The following WDR72 variants were observed in gnomAD, a reference collection of about 807,000 sequenced individuals.
WDR72 encodes WD repeat-containing protein 72.
Under a neutral mutation model 124.2 loss-of-function variants are expected in WDR72, and 120 were observed. That is an observed-to-expected ratio of 0.97 (90% CI 0.83 to 1.12). WDR72 has a LOEUF of 1.12. WDR72 is among the 50% of genes most tolerant of loss of function. The pLI, the probability that WDR72 is intolerant of heterozygous loss-of-function variation, is 0.00. For missense variants in WDR72, 1,387 were observed against 1,278.8 expected (o/e 1.08, Z -1.29); for synonymous variants, 452 against 441.7 (o/e 1.02, Z -0.29).
At chr15:53,729,378 C>G (rs1254929642) in intron 2 of WDR72, among the ~76,000 whole-genome samples, 1 of 151,952 alleles carries the variant, frequency 6.6e-6, no homozygotes, top group Non-Finnish European at 1.5e-5. Context: ...CTTCTAAAAC[C>G]CAAATACAAT....
At chr15:53,756,318 T>C (rs1300252089) in intron 1 of WDR72, among the ~76,000 whole-genome samples, 3 of 152,162 alleles carry the variant, frequency 2.0e-5, no homozygotes. Context: ...CCGCCAGGAT[T>C]GTAAGTTTCC....
intron 14 of WDR72, among the ~76,000 whole-genome samples, chr15:53,622,491 C>G (rs564223734): frequency 1.3e-5 from 2 of 152,104 alleles, no homozygotes; most frequent in Non-Finnish European, 2.9e-5. Context: ...ATGGATGGAG[C>G]TGCAAGCCAT....
chr15:53,666,913 C>T (rs1353340850), intron 13 of WDR72, among the ~76,000 whole-genome samples: 2 of 152,178 alleles, frequency 1.3e-5, no homozygotes, highest in Non-Finnish European at 2.9e-5. Context: ...GTAACAGTTA[C>T]TGTGCTCAAA....
At chr15:53,544,919 CA>C (rs1893365878) in intron 18 of WDR72, among the ~76,000 whole-genome samples, 1 of 149,460 alleles carries the variant, frequency 6.7e-6, no homozygotes, top group Non-Finnish European at 1.5e-5. Context: ...ACAATTGCTT[CA>C]AAGAGAATAA....
chr15:53,547,494 G>A (rs1033875246), intron 18 of WDR72, among the ~76,000 whole-genome samples: 1 of 152,098 alleles, frequency 6.6e-6, no homozygotes, highest in Non-Finnish European at 1.5e-5. Flanking sequence ...CAGAGCATGT[G>A]GGAGGTGCTG....
intron 1 of WDR72, among the ~76,000 whole-genome samples, chr15:53,735,465 G>T (rs2018326738): frequency 6.6e-6 from 1 of 151,996 alleles, no homozygotes; most frequent in South Asian, 2.1e-4. Context: ...TTTTGAAGGT[G>T]GTAGATAAGT....
chr15:53,687,185 A>G (rs1235678849), intron 13 of WDR72, among the ~76,000 whole-genome samples: 3 of 148,388 alleles, frequency 2.0e-5, no homozygotes, highest in South Asian at 4.5e-4. Flanking sequence ...TTCAAAAGCT[A>G]GCAGAAGGCA....
intron 18 of WDR72, among the ~76,000 whole-genome samples, chr15:53,534,707 T>C (rs1892661136): frequency 6.6e-6 from 1 of 152,142 alleles, no homozygotes. Context: ...GACCCTATAA[T>C]GGTGGTACTC....
chr15:53,732,895 T>C, intron 2 of WDR72, 102 bp downstream of exon 2: 7 of 1,400,080 alleles, frequency 5.0e-6, no homozygotes, highest in Non-Finnish European at 7.1e-6. Context: ...AAACATCTTT[T>C]TAACAATCAT....
At chr15:53,642,481 G>A (rs1472937893) in intron 14 of WDR72, among the ~76,000 whole-genome samples, 1 of 151,884 alleles carries the variant, frequency 6.6e-6, no homozygotes. Context: ...TCTAGAAAGG[G>A]GCACATCAAC....
At chr15:53,707,827 C>T (rs779135352) in intron 9 of WDR72, among the ~76,000 whole-genome samples, 1 of 152,136 alleles carries the variant, frequency 6.6e-6, no homozygotes, top group Non-Finnish European at 1.5e-5. Flanking sequence ...GTGTTGATAA[C>T]ATTTGGTTAA....
At chr15:53,592,396 A>G (rs989630831) in intron 18 of WDR72, among the ~76,000 whole-genome samples, 4 of 152,034 alleles carry the variant, frequency 2.6e-5, no homozygotes, top group Admixed American at 6.6e-5. Context: ...CCACAAGTAG[A>G]TATCCTTCTG....
intron 2 of WDR72, among the ~76,000 whole-genome samples, chr15:53,728,987 G>A (rs918416313): frequency 6.6e-6 from 1 of 151,944 alleles, no homozygotes; most frequent in African/African-American, 2.4e-5. Context: ...TTGAATACTT[G>A]GGCACTCTGA....
In WDR72 at chr15:53,517,628, A is replaced by T; in HGVS notation, c.*71T>A. On this transcript the variant is annotated 3_prime_UTR_variant, in exon 20 of 20. Coordinates refer to ENST00000360509, the MANE Select transcript of WDR72 (RefSeq NM_182758.4). ...ACCAATAACAACAATGCTTTTATAC[A>T]GTAATAAACAAATGGCATCTTTTGG... 1 of 1,483,348 alleles carries T rather than the reference A, an allele frequency of 6.7e-7. No individual in the cohort carries two copies. Among genetic ancestry groups the T allele is most frequent in the South Asian group, 1.1e-5 (1 of 88,488 alleles). 91.9% of individuals were successfully genotyped at this position (1,483,348 alleles called of 1,614,324 possible). A position where few individuals can be genotyped will look rare whatever the true frequency, so the allele number is the denominator to read the frequency against.
intron 2 of WDR72, among the ~76,000 whole-genome samples, chr15:53,727,160 A>G (rs1051240049): frequency 6.7e-6 from 1 of 149,738 alleles, no homozygotes; most frequent in African/African-American, 2.5e-5. Context: ...AAAAATACAA[A>G]AATTAGCTGG....
At chr15:53,574,422 G>T (rs1894676588) in intron 18 of WDR72, among the ~76,000 whole-genome samples, 1 of 151,826 alleles carries the variant, frequency 6.6e-6, no homozygotes, top group Non-Finnish European at 1.5e-5. Context: ...GAGAAAATTG[G>T]GTGAATATAA....
intron 18 of WDR72, among the ~76,000 whole-genome samples, chr15:53,534,032 G>A (rs1006871731): frequency 1.3e-5 from 2 of 152,146 alleles, no homozygotes; most frequent in African/African-American, 2.4e-5. Flanking sequence ...TGAGGCTGAT[G>A]TTATGAGGAT....
intron 18 of WDR72, among the ~76,000 whole-genome samples, chr15:53,580,089 G>C (rs1333922737): frequency 6.6e-6 from 1 of 151,998 alleles, no homozygotes; most frequent in Non-Finnish European, 1.5e-5. Context: ...CACATGTCTG[G>C]AGTACTTATT....
intron 2 of WDR72, among the ~76,000 whole-genome samples, chr15:53,729,494 A>AAAC (rs72519237): frequency 7.6e-6 from 1 of 131,058 alleles, no homozygotes; most frequent in Non-Finnish European, 1.7e-5. Context: ...GTGAAAAAAA[A>AAAC]ACAAAACAAA....
Sources: gnomAD v4.1 joint callset for allele counts (sites outside exome capture counted in the v4.1 genomes callset) on GRCh38, gnomAD v4.1.1 for gene constraint, MANE v1.5 for transcripts, NCBI Gene and HGNC (gene_info 2026-07-23, HGNC 2026-07-21) for gene names.